Variants in LHFPL3 observed in about 807,000 individuals in gnomAD.
LHFPL3 encodes the protein LHFPL tetraspan subfamily member 3, also known as LHFPL tetraspan subfamily member 3 protein.
Under a neutral mutation model 19.3 loss-of-function variants are expected in LHFPL3, and 5 were observed. The observed-to-expected ratio is 0.26, with a 90% CI of 0.14 to 0.54. The LOEUF is 0.54. LHFPL3 is among the 20% of genes least tolerant of loss of function. The pLI, the probability that LHFPL3 is intolerant of heterozygous loss-of-function variation, is 0.94. For synonymous variants in LHFPL3, 133 were observed against 126.2 expected, an observed-to-expected ratio of 1.05 and a Z score of -0.36; for missense variants, 249 against 307.4, an observed-to-expected ratio of 0.81 and a Z score of 1.42.
chr7:104,375,197 G>C (rs556259697), intron 1 of LHFPL3, among the ~76,000 whole-genome samples: 6 of 152,084 alleles, frequency 3.9e-5, no homozygotes, highest in Non-Finnish European at 7.3e-5. Context: ...AAATTAGCTG[G>C]GTGTGGTGGT....
intron 1 of LHFPL3, chr7:104,668,610 A>C: frequency 1.2e-6 from 2 of 1,612,654 alleles, no homozygotes; most frequent in South Asian, 2.2e-5. Flanking sequence ...TGATGACTAC[A>C]GAGAAGGCAG....
At chr7:104,349,199 A>C (rs1198406124) in intron 1 of LHFPL3, among the ~76,000 whole-genome samples, 1 of 152,252 alleles carries the variant, frequency 6.6e-6, no homozygotes. Context: ...AATTAATTCA[A>C]GTCTCCTTCA....
At chr7:104,376,944 C>T (rs1039061677) in intron 1 of LHFPL3, among the ~76,000 whole-genome samples, 1 of 152,054 alleles carries the variant, frequency 6.6e-6, no homozygotes, top group Non-Finnish European at 1.5e-5. Context: ...TGGGTTATGA[C>T]TTTAATATTT....
intron 2 of LHFPL3, among the ~76,000 whole-genome samples, chr7:104,769,474 T>G (rs1794511901): frequency 6.6e-6 from 1 of 152,316 alleles, no homozygotes; most frequent in Admixed American, 6.5e-5. Flanking sequence ...TTATTATTAT[T>G]ATACTTTAAG....
intron 2 of LHFPL3, chr7:104,804,240 C>G (rs538161715): frequency 6.6e-6 from 1 of 152,210 alleles, no homozygotes; most frequent in African/African-American, 2.4e-5. Flanking sequence ...TATGCTGATT[C>G]GCCAGCTTAA....
At chr7:104,642,835 G>A (rs907814542) in intron 1 of LHFPL3, among the ~76,000 whole-genome samples, 1 of 152,126 alleles carries the variant, frequency 6.6e-6, no homozygotes, top group African/African-American at 2.4e-5. Flanking sequence ...TTACCAGCAG[G>A]CATTCCACAT....
At chr7:104,861,624 G>A (rs1312736993) in intron 2 of LHFPL3, among the ~76,000 whole-genome samples, 1 of 152,136 alleles carries the variant, frequency 6.6e-6, no homozygotes, top group Non-Finnish European at 1.5e-5. Context: ...CCTCCTGGCA[G>A]AAGTGGTGGC....
intron 1 of LHFPL3, among the ~76,000 whole-genome samples, chr7:104,731,124 A>C (rs1793695685): frequency 6.6e-6 from 1 of 152,198 alleles, no homozygotes; most frequent in Non-Finnish European, 1.5e-5. Context: ...TGGTACCAGT[A>C]CCATGCTGTT....
chr7:104,368,374 G>T (rs1165714880), intron 1 of LHFPL3, among the ~76,000 whole-genome samples: 3 of 152,134 alleles, frequency 2.0e-5, no homozygotes, highest in African/African-American at 7.2e-5. Flanking sequence ...GGACCTGAAC[G>T]GTTCAGTTTG....
At chr7:104,473,014 T>A (rs1792940905) in intron 1 of LHFPL3, among the ~76,000 whole-genome samples, 1 of 152,122 alleles carries the variant, frequency 6.6e-6, no homozygotes, top group Admixed American at 6.5e-5. Context: ...ATAAAAGAAA[T>A]TCAAAATTTC....
chr7:104,474,670 G>GACA (rs1356816416), intron 1 of LHFPL3, among the ~76,000 whole-genome samples: 1 of 106,058 alleles, frequency 9.4e-6, no homozygotes, highest in African/African-American at 3.9e-5. Flanking sequence ...CCATCACAAC[G>GACA]ACAACAACAA....
At chr7:104,748,934 G>T (rs191432830) in intron 2 of LHFPL3, among the ~76,000 whole-genome samples, 1 of 152,076 alleles carries the variant, frequency 6.6e-6, no homozygotes, top group Non-Finnish European at 1.5e-5. Context: ...ATTTATTTGC[G>T]CTGACTGAAT....
intron 2 of LHFPL3, among the ~76,000 whole-genome samples, chr7:104,836,223 G>A (rs1408043795): frequency 6.6e-6 from 1 of 152,182 alleles, no homozygotes; most frequent in Non-Finnish European, 1.5e-5. Context: ...AGAGAGTTGT[G>A]TAAAATGGAG....
rs574003733 is a variant in LHFPL3, at chr7:104,734,256, A to G, written c.446-2419A>G. On this transcript the variant is annotated intron_variant, in intron 1 of 2. Coordinates refer to ENST00000424859, the MANE Select transcript of LHFPL3 (RefSeq NM_199000.3). The stretch of plus-strand genomic sequence containing the variant: ...CATTCTCTGTATCTCCTGAATTTGA[A>G]TGTTGGCCTGCCTTGCTAGGTTGGG... 4.6e-5 allele frequency among the ~76,000 whole-genome samples: 7 copies of G among 152,180 alleles called. No homozygotes were observed. The East Asian group carries it at 1.2e-3, about 25-fold the overall frequency.
intron 1 of LHFPL3, among the ~76,000 whole-genome samples, chr7:104,662,210 G>A (rs914722300): frequency 1.2e-4 from 19 of 152,300 alleles, no homozygotes; most frequent in Admixed American, 7.2e-4. Flanking sequence ...GGAGACTACC[G>A]TATAAGGACA....
intron 1 of LHFPL3, among the ~76,000 whole-genome samples, chr7:104,333,980 T>G (rs1453049493): frequency 1.3e-5 from 2 of 152,232 alleles, no homozygotes; most frequent in African/African-American, 4.8e-5. Context: ...GTTGCTCATC[T>G]GCAAATATGC....
intron 1 of LHFPL3, among the ~76,000 whole-genome samples, chr7:104,594,289 A>C (rs6465999): frequency 0.97 from 147,280 of 152,264 alleles, 71,398 homozygotes; most frequent in East Asian, 1. Context: ...TTCTCCTTCA[A>C]TTATGAAGCT....
At chr7:104,427,840 A>G (rs572090311) in intron 1 of LHFPL3, among the ~76,000 whole-genome samples, 4 of 152,328 alleles carry the variant, frequency 2.6e-5, no homozygotes, top group African/African-American at 4.8e-5. Flanking sequence ...AAATGTTTCA[A>G]TTCAAGCAAT....
intron 2 of LHFPL3, among the ~76,000 whole-genome samples, chr7:104,757,998 T>C (rs1166647075): frequency 6.6e-6 from 1 of 152,194 alleles, no homozygotes; most frequent in Non-Finnish European, 1.5e-5. Flanking sequence ...GTGGTACATA[T>C]ACACCATGGA....
Sources: allele counts gnomAD v4.1 joint callset (sites outside exome capture counted in the v4.1 genomes callset), GRCh38; gene constraint gnomAD v4.1.1; transcripts MANE v1.5; gene names NCBI Gene and HGNC (gene_info 2026-07-23, HGNC 2026-07-21).